Variants in TRMT9B observed in about 807,000 individuals in gnomAD.
The protein encoded by TRMT9B is tRNA methyltransferase 9B (putative), also known as probable tRNA methyltransferase 9B.
TRMT9B carries 16 observed loss-of-function variants against 11.5 expected under a neutral mutation model. That is an observed-to-expected ratio of 1.39 (90% CI 0.94 to 2.11). The LOEUF is 2.11. Ranked by LOEUF, TRMT9B falls within the 30% of genes most tolerant of loss-of-function variation. TRMT9B has a pLI of 0.00. For missense variants in TRMT9B, 941 were observed against 553.8 expected (o/e 1.70, Z -7.02); for synonymous variants, 274 against 192.4 (o/e 1.42, Z -3.51).
chr8:13,010,638 G>A, intron 3 of TRMT9B: 2 of 984,950 alleles, frequency 2.0e-6, no homozygotes, highest in South Asian at 4.7e-5. Flanking sequence ...ATTACAAAAT[G>A]CTCTCTGAAC....
At chr8:12,995,484 CTT>C (rs1485120378) in intron 2 of TRMT9B, among the ~76,000 whole-genome samples, 1 of 152,134 alleles carries the variant, frequency 6.6e-6, no homozygotes, top group Non-Finnish European at 1.5e-5. Flanking sequence ...CCATTTCTGG[CTT>C]TCTTTGCACT....
Position 13,028,724 on chromosome 8 carries a change from T to A in TRMT9B, c.*6680T>A, listed in dbSNP as rs1161372258. On this transcript the variant is annotated 3_prime_UTR_variant, in exon 5 of 5. Transcript: ENST00000524591. ...CTGAATAGCTGGGATTACAGGAACATGCCACCACTCCTGGCTAATTTTTGT... is the reference window on the plus strand; with the variant it reads ...CTGAATAGCTGGGATTACAGGAACAAGCCACCACTCCTGGCTAATTTTTGT... 1.3e-5 allele frequency: 2 copies of A among 154,528 alleles called. No homozygotes were observed. The highest frequency in any genetic ancestry group is 2.4e-5 in the African/African-American group (1 of 41,330). 9.6% of individuals were successfully genotyped at this position (154,528 alleles called of 1,614,324 possible).
chr8:13,014,348 A>T (rs57176231), intron 4 of TRMT9B, among the ~76,000 whole-genome samples: 2 of 152,012 alleles, frequency 1.3e-5, no homozygotes, highest in Middle Eastern at 3.2e-3. Context: ...ACCGTTCTGG[A>T]GGCTGGACAT....
intron 1 of TRMT9B, among the ~76,000 whole-genome samples, chr8:12,967,289 A>G (rs1309220740): frequency 6.6e-6 from 1 of 152,226 alleles, no homozygotes; most frequent in East Asian, 1.9e-4. Flanking sequence ...GAAAGGTTTT[A>G]GGAACAAATG....
At position 13,021,073 on chromosome 8, in the gene TRMT9B, G is replaced by A; in HGVS notation, c.394G>A (p.Val132Ile). The A allele has an allele frequency of 6.2e-7, 1 of 1,603,024 alleles. No individual in the cohort carries two copies. The highest frequency in any genetic ancestry group is 8.5e-7 in the Non-Finnish European group (1 of 1,174,126). ...RAIKEMARVL[V>I]PGGQLMIYVW... is the part of the protein sequence containing the mutation. ...AATAAAAGAAATGGCCAGGGTCTTA[G>A]TTCCCGGAGGCCAACTGATGATTTA... is the stretch of plus-strand genomic sequence containing the variant. The change falls in exon 5 of 5, where the codon GTT (valine) becomes ATT (isoleucine). Residue 132 changes from valine (V) to isoleucine (I), a missense_variant. Transcript: ENST00000524591.
Position 13,021,281 on chromosome 8 carries a change from T to C in TRMT9B, c.602T>C (p.Val201Ala). ...HPPCSECSCS[V>A]CFKEQCGSKR... ...CCTTGCTCTGAGTGTAGCTGTTCTG[T>C]TTGTTTTAAAGAGCAGTGTGGTTCA... Residue 201 changes from valine to alanine, a missense_variant, in exon 5 of 5, where the codon GTT becomes GCT. By Grantham distance (64) the Val-to-Ala change is moderately conservative (BLOSUM62 0). Transcript: ENST00000524591. The C allele has an allele frequency of 1.9e-6, 3 of 1,613,966 alleles. No homozygotes were observed. The highest frequency in any genetic ancestry group is 2.2e-5 in the East Asian group (1 of 44,876).
intron 1 of TRMT9B, among the ~76,000 whole-genome samples, chr8:12,983,230 A>G (rs68174811): frequency 0.22 from 34,001 of 152,142 alleles, 4,656 homozygotes; most frequent in East Asian, 0.46. Flanking sequence ...CATGGTGAAA[A>G]GGTGCAATGG....
At chr8:12,992,517 A>G (rs1004943155) in intron 2 of TRMT9B, among the ~76,000 whole-genome samples, 6 of 151,984 alleles carry the variant, frequency 3.9e-5, no homozygotes, top group Non-Finnish European at 8.8e-5. Context: ...CTGAAGGACA[A>G]CAAACTTAGA....
At chr8:13,010,658 T>G (rs1811417588) in intron 3 of TRMT9B, 2 of 984,940 alleles carry the variant, frequency 2.0e-6, no homozygotes, top group Non-Finnish European at 2.4e-6. Context: ...CAGGCCCTCC[T>G]CATTCTAAAG....
chr8:12,998,993 C>T (rs113799782), intron 2 of TRMT9B, among the ~76,000 whole-genome samples: 114 of 152,096 alleles, frequency 7.5e-4, no homozygotes, highest in African/African-American at 2.6e-3. Context: ...TACCCAGAAA[C>T]ATGGCATTAA....
intron 2 of TRMT9B, among the ~76,000 whole-genome samples, chr8:12,997,085 T>G (rs541085271): frequency 6.6e-6 from 1 of 152,258 alleles, no homozygotes; most frequent in Non-Finnish European, 1.5e-5. Flanking sequence ...TGTATTCTTT[T>G]GTGGACTTCC....
chr8:12,974,396 C>G (rs1440635284), intron 1 of TRMT9B, among the ~76,000 whole-genome samples: 1 of 152,068 alleles, frequency 6.6e-6, no homozygotes, highest in Non-Finnish European at 1.5e-5. Context: ...TTACACTGGA[C>G]GGGGAATCAA....
At chr8:12,990,772 G>C in intron 1 of TRMT9B, 62 bp from the exon 2 acceptor site, 19 of 1,113,696 alleles carry the variant, frequency 1.7e-5, no homozygotes, top group Non-Finnish European at 2.1e-5. Flanking sequence ...AGCCTGGGCT[G>C]TAGCTGGCTC....
intron 1 of TRMT9B, among the ~76,000 whole-genome samples, chr8:12,974,780 G>A (rs940007293): frequency 2.6e-5 from 4 of 152,176 alleles, no homozygotes; most frequent in Admixed American, 1.3e-4. Context: ...GCAGGGTTTT[G>A]TTTTGTTTTG....
At chr8:12,981,047 G>A (rs1805287140) in intron 1 of TRMT9B, among the ~76,000 whole-genome samples, 1 of 151,656 alleles carries the variant, frequency 6.6e-6, no homozygotes, top group South Asian at 2.1e-4. Flanking sequence ...GTCACTATGC[G>A]GATTCCTTTT....
chr8:13,006,736 T>C (rs934713826), intron 3 of TRMT9B: 11 of 1,008,336 alleles, frequency 1.1e-5, no homozygotes, highest in African/African-American at 1.6e-5. Flanking sequence ...TGGTGCAATC[T>C]CAGCTTGCTG....
chr8:12,979,389 T>C (rs976719894), intron 1 of TRMT9B, among the ~76,000 whole-genome samples: 1 of 152,134 alleles, frequency 6.6e-6, no homozygotes, highest in East Asian at 1.9e-4. Flanking sequence ...CAAGCCTGTG[T>C]CGAGTTAAGA....
intron 4 of TRMT9B, among the ~76,000 whole-genome samples, chr8:13,016,182 T>C (rs913971048): frequency 2.1e-5 from 3 of 146,106 alleles, no homozygotes; most frequent in Admixed American, 7.0e-5. Context: ...CATATATAAA[T>C]ATAAATGTGA....
chr8:13,003,654 G>A (rs936504018), intron 2 of TRMT9B, among the ~76,000 whole-genome samples: 1 of 151,730 alleles, frequency 6.6e-6, no homozygotes, highest in Non-Finnish European at 1.5e-5. Flanking sequence ...GCCCGCCTAA[G>A]CCAGCTGAAC....
Sources: allele counts gnomAD v4.1 joint callset (sites outside exome capture counted in the v4.1 genomes callset), GRCh38; gene constraint gnomAD v4.1.1; transcripts MANE v1.5; gene names NCBI Gene and HGNC (gene_info 2026-07-23, HGNC 2026-07-21).